The following GMPR variants were observed in gnomAD, a reference collection of about 807,000 sequenced individuals.
The protein encoded by GMPR is GMP reductase 1.
Under a neutral mutation model 38.4 loss-of-function variants are expected in GMPR, and 31 were observed. The ratio of observed to expected loss-of-function variants is 0.81; its 90% CI spans 0.61 to 1.09. The LOEUF is 1.09. GMPR is among the 50% of genes least tolerant of loss of function. GMPR has a pLI of 0.00. For missense variants in GMPR, 468 were observed against 453.7 expected (o/e 1.03, Z -0.29); for synonymous variants, 162 against 173.3 (o/e 0.93, Z 0.51).
chr6:16,274,597 C>T (rs1215092249), intron 5 of GMPR, 101 bp downstream of exon 5: 1 of 706,176 alleles, frequency 1.4e-6, no homozygotes, highest in South Asian at 1.6e-5. Flanking sequence ...ATGAATGACT[C>T]ATTCACAGAT....
chr6:16,266,031 G>A (rs555934858), intron 4 of GMPR, among the ~76,000 whole-genome samples: 2 of 152,016 alleles, frequency 1.3e-5, no homozygotes, highest in African/African-American at 2.4e-5. Flanking sequence ...CTTCACTGCT[G>A]AAGTCAGTGA....
At chr6:16,281,671 A>T (rs1581663746) in intron 6 of GMPR, among the ~76,000 whole-genome samples, 1 of 147,320 alleles carries the variant, frequency 6.8e-6, no homozygotes, top group Non-Finnish European at 1.5e-5. Context: ...CGCTCAGCCC[A>T]TTTTTTTTTT....
chr6:16,238,834 C>T, intron 1 of GMPR, 54 bp downstream of exon 1: 1 of 1,002,638 alleles, frequency 1.0e-6, no homozygotes. Flanking sequence ...CCGGGTGGCG[C>T]GGGGCAAGTG....
intron 3 of GMPR, among the ~76,000 whole-genome samples, chr6:16,252,791 G>A (rs1297152308): frequency 1.3e-5 from 2 of 152,232 alleles, no homozygotes; most frequent in Non-Finnish European, 2.9e-5. Flanking sequence ...GTGGGCTTGT[G>A]TGGATTGGGC....
intron 4 of GMPR, among the ~76,000 whole-genome samples, chr6:16,273,811 AT>A (rs772416416): frequency 0.15 from 16,666 of 112,662 alleles, 581 homozygotes; most frequent in East Asian, 0.27. Flanking sequence ...TCCCTCTAAG[AT>A]TTTTTTTTTT....
chr6:16,256,663 A>ACTGTTTGTT (rs1758985226), intron 4 of GMPR, among the ~76,000 whole-genome samples: 1 of 151,998 alleles, frequency 6.6e-6, no homozygotes, highest in East Asian at 1.9e-4. Context: ...TTTGATAATG[A>ACTGTTTGTT]TGTTTGTTGA....
chr6:16,242,117 A>G (rs1758660744), intron 1 of GMPR, among the ~76,000 whole-genome samples: 1 of 152,222 alleles, frequency 6.6e-6, no homozygotes, highest in African/African-American at 2.4e-5. Context: ...AGAGAATCGC[A>G]GCAAATTACT....
At position 16,254,661 on chromosome 6, in the gene GMPR, G is replaced by A. The variant is rs1236691950; in HGVS notation, c.391G>A (p.Ala131Thr). 1.7e-5 allele frequency: 27 copies of A among 1,613,560 alleles called. No homozygotes were observed. Among genetic ancestry groups the A allele is most frequent in the Non-Finnish European group, 2.3e-5 (27 of 1,179,566 alleles). The change falls in exon 4 of 9, where the codon GCC becomes ACC. Residue 131 changes from alanine (A) to threonine (T), a missense_variant. Physicochemically the swap from Ala to Thr is moderately conservative, Grantham distance 58 (BLOSUM62 0). Coordinates refer to ENST00000259727, the MANE Select transcript of GMPR (RefSeq NM_006877.4). ...PQVKFICLDV[A>T]NGYSEHFVEF... Reference sequence around the variant, plus strand: ...GGTTAAGTTTATTTGCCTGGATGTGGCCAATGGGTATTCAGAACATTTTGT... The same window carrying A: ...GGTTAAGTTTATTTGCCTGGATGTGACCAATGGGTATTCAGAACATTTTGT...
intron 1 of GMPR, among the ~76,000 whole-genome samples, chr6:16,245,074 A>G (rs1250388206): frequency 6.6e-6 from 1 of 152,182 alleles, no homozygotes; most frequent in African/African-American, 2.4e-5. Flanking sequence ...AAGCCTGCCA[A>G]GCCAAATGTT....
chr6:16,239,581 C>G (rs1346406301), intron 1 of GMPR, among the ~76,000 whole-genome samples: 2 of 152,200 alleles, frequency 1.3e-5, no homozygotes, highest in Non-Finnish European at 2.9e-5. Flanking sequence ...TGGTGACTGG[C>G]TTTGCTGAGA....
intron 8 of GMPR, 66 bp from the exon 9 acceptor site, chr6:16,294,940 A>G (rs1264719007): frequency 7.6e-7 from 1 of 1,309,240 alleles, no homozygotes; most frequent in Non-Finnish European, 1.1e-6. Flanking sequence ...GCTGGGAGTA[A>G]TTCTAATTGG....
intron 4 of GMPR, among the ~76,000 whole-genome samples, chr6:16,263,689 AT>A (rs1221696404): frequency 1.2e-4 from 12 of 100,274 alleles, no homozygotes; most frequent in African/African-American, 2.0e-4. Context: ...GAAATAAGGG[AT>A]TGGGGTGCAG....
intron 7 of GMPR, among the ~76,000 whole-genome samples, chr6:16,288,362 C>T (rs922718393): frequency 6.6e-6 from 1 of 152,198 alleles, no homozygotes; most frequent in Non-Finnish European, 1.5e-5. Flanking sequence ...GCCGGCTGGC[C>T]CTGCCGGCCT....
chr6:16,271,188 T>C (rs900859403), intron 4 of GMPR, among the ~76,000 whole-genome samples: 3 of 151,932 alleles, frequency 2.0e-5, no homozygotes, highest in African/African-American at 7.3e-5. Flanking sequence ...GAAATCCACA[T>C]TGAAAATGAA....
At chr6:16,259,855 T>G (rs987181584) in intron 4 of GMPR, among the ~76,000 whole-genome samples, 20 of 152,162 alleles carry the variant, frequency 1.3e-4, no homozygotes, top group African/African-American at 1.9e-4. Context: ...AGTGGCAGTT[T>G]GGGGATAGCA....
rs574933459 is a variant in GMPR at position 16,254,371 on chromosome 6, T to G, written c.292-191T>G. On this transcript the variant is annotated intron_variant, in intron 3 of 8. Transcript: ENST00000259727. ...TGAGCCACCGTGCCTGGCCAAAGTT[T>G]AGATAATTTAATGAATGAATCCCCT... Among the ~76,000 whole-genome samples the G allele has an allele frequency of 3.3e-5, 5 of 152,350 alleles. No individual in the cohort carries two copies. In the East Asian group the frequency reaches 9.6e-4, roughly 29 times the overall value.
intron 4 of GMPR, among the ~76,000 whole-genome samples, chr6:16,261,797 G>A (rs188397565): frequency 2.2e-4 from 33 of 152,002 alleles, no homozygotes; most frequent in Admixed American, 5.3e-4. Context: ...GTGCATGATC[G>A]GTCACCAAGG....
intron 3 of GMPR, among the ~76,000 whole-genome samples, chr6:16,253,676 A>T (rs778241385): frequency 6.6e-6 from 1 of 152,190 alleles, no homozygotes. Context: ...ACTATGTCAC[A>T]TGCTGCACTA....
Position 16,260,085 on chromosome 6 carries a change from A to G in GMPR, c.465+5350A>G, listed in dbSNP as rs565437458. 8.0e-4 allele frequency among the ~76,000 whole-genome samples: 121 copies of G among 151,774 alleles called. 1 individual carries two copies. The highest frequency in any genetic ancestry group is 2.7e-3 in the African/African-American group (112 of 41,368). On this transcript the variant is annotated intron_variant, in intron 4 of 8. Coordinates refer to ENST00000259727, the MANE Select transcript of GMPR (RefSeq NM_006877.4). ...GGAGCGTCTATACAGGAGCTCAAAT[A>G]GGCTGTACTTTGTAGCATTCTGAGG...
Sources: allele counts gnomAD v4.1 joint callset (sites outside exome capture counted in the v4.1 genomes callset), GRCh38; gene constraint gnomAD v4.1.1; transcripts MANE v1.5; gene names NCBI Gene and HGNC (gene_info 2026-07-23, HGNC 2026-07-21).